Variants in RB1 observed in about 807,000 individuals in gnomAD.
RB1 encodes the protein retinoblastoma-associated protein.
In RB1, 18 loss-of-function variants were observed where a neutral mutation model predicts 135.4. The ratio of observed to expected loss-of-function variants is 0.13; its 90% confidence interval spans 0.09 to 0.20. The LOEUF (loss-of-function observed/expected upper bound fraction) is 0.20. Among genes scored for constraint, RB1 ranks in the 10% least tolerant of loss-of-function variants. The pLI, the probability that RB1 is intolerant of heterozygous loss-of-function variation, is 1.00. For synonymous variants in RB1, 365 were observed against 373.2 expected (o/e 0.98, Z 0.25); for missense variants, 868 against 1,110.0 (o/e 0.78, Z 3.10).
Position 48,333,783 on chromosome 13 carries a change from C to CT in RB1, c.265-8803dup, listed in dbSNP as rs74263266. Among the ~76,000 whole-genome samples, 151 of 144,572 alleles carry CT rather than the reference C, an allele frequency of 1.0e-3. 1 individual carries two copies. The highest frequency in any genetic ancestry group is 2.4e-3 in the East Asian group (12 of 5,030). 94.8% of individuals were successfully genotyped at this position (144,572 alleles called of 152,430 possible). The stretch of plus-strand genomic sequence containing the variant: ...AGCCACTCTGTAGCTACTGCCACAA[C>CT]TTTTTTTTTTTTTCCTTTTTAGAAC... On this transcript the variant is annotated intron_variant, in intron 2 of 26. Coordinates refer to ENST00000267163, the MANE Select transcript of RB1 (RefSeq NM_000321.3).
chr13:48,383,484 T>C (rs570313177), intron 17 of RB1, among the ~76,000 whole-genome samples: 1 of 152,226 alleles, frequency 6.6e-6, no homozygotes, highest in African/African-American at 2.4e-5. Context: ...ATAGAAGTGG[T>C]AATTAAAAAA....
chr13:48,357,042 T>C (rs573455959), intron 6 of RB1, among the ~76,000 whole-genome samples: 1 of 151,944 alleles, frequency 6.6e-6, no homozygotes, highest in Non-Finnish European at 1.5e-5. Context: ...TGAGGTTTAA[T>C]ACCTTAAACA....
intron 6 of RB1, among the ~76,000 whole-genome samples, chr13:48,352,301 G>T (rs553405942): frequency 6.6e-6 from 1 of 151,312 alleles, no homozygotes; most frequent in South Asian, 2.1e-4. Flanking sequence ...CTCCAGCTTT[G>T]TTCTTTTTGC....
At chr13:48,476,530 T>C in intron 24 of RB1, 171 bp from the exon 25 acceptor site, 1 of 646,970 alleles carries the variant, frequency 1.5e-6, no homozygotes, top group East Asian at 2.9e-5. Flanking sequence ...TAGGTAGTTA[T>C]TCTGATTTTT....
rs1004058641 is a variant in RB1 at position 48,452,876 on chromosome 13, A to G, written c.1696-117A>G. On this transcript the variant is annotated intron_variant, in intron 17 of 26. Coordinates refer to ENST00000267163, the MANE Select transcript of RB1 (RefSeq NM_000321.3). ...ATTTCATTCTGACTTTTAAATTGCC[A>G]CTGTCAATTGTGCCTAAAATTCATA... The G allele has an allele frequency of 3.5e-6, 5 of 1,415,314 alleles. No homozygotes were observed. In the Admixed American group the frequency reaches 6.3e-5, roughly 18 times the overall value. The allele number at this position is 1,415,314 out of a possible 1,614,324, so 87.7% of individuals were successfully genotyped here. A position where few individuals can be genotyped will look rare whatever the true frequency, so the allele number is the denominator to read the frequency against.
chr13:48,461,400 T>A (rs1173131629), intron 20 of RB1, among the ~76,000 whole-genome samples: 1 of 152,240 alleles, frequency 6.6e-6, no homozygotes, highest in African/African-American at 2.4e-5. Flanking sequence ...CACATTATGC[T>A]TATCATTCAT....
chr13:48,472,134 G>A (rs1157017017), intron 23 of RB1, among the ~76,000 whole-genome samples: 2 of 152,144 alleles, frequency 1.3e-5, no homozygotes, highest in Non-Finnish European at 2.9e-5. Flanking sequence ...TGAAGTAGGA[G>A]GCAGATTAGC....
At chr13:48,323,165 GA>G (rs1952256100) in intron 2 of RB1, among the ~76,000 whole-genome samples, 1 of 151,990 alleles carries the variant, frequency 6.6e-6, no homozygotes, top group Non-Finnish European at 1.5e-5. Context: ...TTTCTCTGTG[GA>G]AAGTTTCAAA....
At chr13:48,330,357 CA>C (rs1321387815) in intron 2 of RB1, among the ~76,000 whole-genome samples, 1 of 151,422 alleles carries the variant, frequency 6.6e-6, no homozygotes, top group Non-Finnish European at 1.5e-5. Flanking sequence ...ACTCAAAAAA[CA>C]ATAGAAAAGA....
chr13:48,328,335 T>C, intron 2 of RB1: 1 of 1,578,780 alleles, frequency 6.3e-7, no homozygotes, highest in Non-Finnish European at 8.7e-7. Flanking sequence ...TTCTTTAGGC[T>C]TACTTGATCC....
At chr13:48,477,425 G>T (rs373662725) in intron 26 of RB1, 21 bp downstream of exon 26, 2 of 1,575,054 alleles carry the variant, frequency 1.3e-6, no homozygotes, top group East Asian at 4.5e-5. Context: ...TTTTCACCTT[G>T]TGTAAATGAA....
intron 17 of RB1, among the ~76,000 whole-genome samples, chr13:48,383,710 A>G (rs1013011408): frequency 1.3e-5 from 2 of 152,068 alleles, no homozygotes; most frequent in Admixed American, 1.3e-4. Context: ...TATGGAATGA[A>G]TTTACACTTG....
chr13:48,464,957 ACTT>A, intron 21 of RB1, 38 bp from the exon 22 acceptor site: 1 of 1,136,268 alleles, frequency 8.8e-7, no homozygotes, highest in Non-Finnish European at 1.2e-6. Context: ...AGTAAATTTT[ACTT>A]TTTTTTTTTT....
intron 17 of RB1, among the ~76,000 whole-genome samples, chr13:48,387,520 T>C (rs1037626498): frequency 1.3e-5 from 2 of 152,140 alleles, no homozygotes; most frequent in African/African-American, 2.4e-5. Flanking sequence ...AGTAGATTAT[T>C]GGTTTTCTAA....
chr13:48,346,050 T>A (rs1233020820), intron 4 of RB1, among the ~76,000 whole-genome samples: 1 of 151,126 alleles, frequency 6.6e-6, no homozygotes, highest in Non-Finnish European at 1.5e-5. Context: ...TTTGAAGGAC[T>A]GTCTTTTCTT....
chr13:48,464,932 A>T lies in RB1; in HGVS notation c.2212-66A>T, dbSNP rs1263713107. The stretch of plus-strand genomic sequence containing the variant: ...AAGAAAATCTAAAGGTAGAAATTTT[A>T]AAATTCATTTAACAAGTAAATTTTA... On this transcript the variant is annotated intron_variant, in intron 21 of 26. Coordinates refer to ENST00000267163, the MANE Select transcript of RB1 (RefSeq NM_000321.3). 4.1e-6 allele frequency: 6 copies of T among 1,472,938 alleles called. No homozygotes were observed. In the African/African-American group the frequency reaches 8.6e-5, roughly 21 times the overall value. 91.2% of individuals were successfully genotyped at this position (1,472,938 alleles called of 1,614,324 possible). A position where few individuals can be genotyped will look rare whatever the true frequency, so the allele number is the denominator to read the frequency against.
At chr13:48,306,819 G>A (rs78969768) in intron 1 of RB1, among the ~76,000 whole-genome samples, 3,611 of 152,282 alleles carry the variant, frequency 0.024, 149 homozygotes, top group East Asian at 0.14. Context: ...ACAAAAATAA[G>A]CAGTCGCATC....
chr13:48,338,785 G>T (rs149271401), intron 2 of RB1, among the ~76,000 whole-genome samples: 1 of 152,190 alleles, frequency 6.6e-6, no homozygotes, highest in African/African-American at 2.4e-5. Context: ...CTTTTCTGCT[G>T]TTTTTTCCCC....
At chr13:48,305,645 TA>T (rs4151422) in intron 1 of RB1, among the ~76,000 whole-genome samples, 7,837 of 152,282 alleles carry the variant, frequency 0.051, 631 homozygotes, top group African/African-American at 0.17. Flanking sequence ...AATGGAACTA[TA>T]AAAAATTCTC....
Sources: gnomAD v4.1 joint callset for allele counts (sites outside exome capture counted in the v4.1 genomes callset) on GRCh38, gnomAD v4.1.1 for gene constraint, MANE v1.5 for transcripts, NCBI Gene and HGNC (gene_info 2026-07-23, HGNC 2026-07-21) for gene names.